The following ZNF438 variants were observed in gnomAD, a reference collection of about 807,000 sequenced individuals.
ZNF438 encodes zinc finger protein 438.
Under a neutral mutation model 38.0 loss-of-function variants are expected in ZNF438, and 25 were observed. The observed-to-expected ratio is 0.66, with a 90% CI of 0.48 to 0.92. ZNF438 has a LOEUF of 0.92. Ranked by LOEUF, ZNF438 falls within the 40% of genes least tolerant of loss-of-function variation. The probability of loss-of-function intolerance (pLI) is 0.00; values close to 1 mark genes in which losing one functional copy is unlikely to be tolerated. For missense variants in ZNF438, 1,007 were observed against 999.6 expected (o/e 1.01, Z -0.10); for synonymous variants, 372 against 364.1 (o/e 1.02, Z -0.25).
At chr10:30,969,456 A>AT (rs1260361254) in intron 1 of ZNF438, among the ~76,000 whole-genome samples, 1 of 152,252 alleles carries the variant, frequency 6.6e-6, no homozygotes, top group East Asian at 1.9e-4. Flanking sequence ...ATGCAGTCTC[A>AT]TGACACTGTA....
chr10:31,014,446 A>C (rs538966725), intron 1 of ZNF438, among the ~76,000 whole-genome samples: 29 of 152,294 alleles, frequency 1.9e-4, no homozygotes, highest in Admixed American at 3.3e-4. Context: ...GTCTCTTCTT[A>C]TAAGCGCACT....
At chr10:30,938,010 AAC>A in intron 2 of ZNF438, among the ~76,000 whole-genome samples, 1 of 152,302 alleles carries the variant, frequency 6.6e-6, no homozygotes, top group African/African-American at 2.4e-5. Flanking sequence ...AGCTTTAAAA[AAC>A]AAACAGGTTT....
chr10:30,926,094 T>C (rs2044879338), intron 2 of ZNF438, among the ~76,000 whole-genome samples: 1 of 152,086 alleles, frequency 6.6e-6, no homozygotes, highest in Non-Finnish European at 1.5e-5. Flanking sequence ...TAATCTTTGG[T>C]GATTGAAGTG....
rs1382538093 is a variant in ZNF438, at chr10:30,886,210, A to G, written c.-31-9145T>C. Among the ~76,000 whole-genome samples the G allele has an allele frequency of 2.0e-5, 3 of 152,374 alleles. No homozygotes were observed. The East Asian group carries it at 5.8e-4, about 29-fold the overall frequency. ...AAAATGTTGTATAAACTCAGACACC[A>G]TATAACTGAAAATGCCACCTTTTTC... is the stretch of plus-strand genomic sequence containing the variant. On this transcript the variant is annotated intron_variant, in intron 3 of 5. Transcript: ENST00000413025.
At chr10:31,018,060 T>C (rs1424039270) in intron 1 of ZNF438, among the ~76,000 whole-genome samples, 1 of 152,224 alleles carries the variant, frequency 6.6e-6, no homozygotes, top group East Asian at 1.9e-4. Flanking sequence ...AATGACTGGT[T>C]GAGGTGGAAA....
At chr10:30,929,408 C>T (rs765303049) in intron 2 of ZNF438, among the ~76,000 whole-genome samples, 4 of 151,932 alleles carry the variant, frequency 2.6e-5, no homozygotes, top group Non-Finnish European at 2.9e-5. Flanking sequence ...GCTCTTAAGG[C>T]GGTGTGTCTG....
chr10:31,010,690 C>T lies in ZNF438; in HGVS notation c.-192+21143G>A, dbSNP rs561890284. 2.0e-5 allele frequency among the ~76,000 whole-genome samples: 3 copies of T among 151,774 alleles called. No individual in the cohort carries two copies. In the South Asian group the frequency reaches 6.3e-4, roughly 32 times the overall value. ...CAGCTTGAGGCCAGGAGTTTTAGAT[C>T]AGCCTGGGCAACAAAGCAAGACCCT... On this transcript the variant is annotated intron_variant, in intron 1 of 5. Coordinates refer to ENST00000413025, the Ensembl canonical transcript of ZNF438.
chr10:30,935,380 G>A (rs185226018), intron 2 of ZNF438, among the ~76,000 whole-genome samples: 38 of 152,306 alleles, frequency 2.5e-4, no homozygotes, highest in Middle Eastern at 6.8e-3. Context: ...GCCTCAGGCT[G>A]TTTCCACTAA....
At chr10:30,908,205 T>A (rs1339600097) in intron 3 of ZNF438, among the ~76,000 whole-genome samples, 1 of 152,210 alleles carries the variant, frequency 6.6e-6, no homozygotes, top group South Asian at 2.1e-4. Flanking sequence ...TGTTACTTAT[T>A]CCTAATTGTA....
chr10:30,933,929 G>A (rs773494371), intron 2 of ZNF438, among the ~76,000 whole-genome samples: 6 of 152,024 alleles, frequency 3.9e-5, no homozygotes, highest in Admixed American at 2.0e-4. Flanking sequence ...GGTGAATCAC[G>A]AGGTCAGGAG....
intron 3 of ZNF438, among the ~76,000 whole-genome samples, chr10:30,878,456 TGA>T (rs2038771721): frequency 2.0e-5 from 3 of 152,126 alleles, no homozygotes. Flanking sequence ...CTCTCTCCAC[TGA>T]GAGACATCCA....
Position 30,986,707 on chromosome 10 carries a change from A to C in ZNF438, c.-191-45056T>G, listed in dbSNP as rs188503612. The stretch of plus-strand genomic sequence containing the variant: ...AGTATCCCTAATCCAAAAATCTGAA[A>C]TCCAAAATGCTCCCATGAGTATTTC... On this transcript the variant is annotated intron_variant, in intron 1 of 5. Coordinates refer to ENST00000413025, the Ensembl canonical transcript of ZNF438. Among the ~76,000 whole-genome samples, 489 of 152,324 alleles carry C rather than the reference A, an allele frequency of 3.2e-3. 5 individuals are homozygous for C. Among genetic ancestry groups the C allele is most frequent in the African/African-American group, 0.011 (442 of 41,562 alleles).
intron 4 of ZNF438, among the ~76,000 whole-genome samples, chr10:30,861,834 T>C (rs776749890): frequency 8.5e-5 from 13 of 152,218 alleles, no homozygotes; most frequent in Non-Finnish European, 1.8e-4. Flanking sequence ...ACGCAAAAGA[T>C]TTTATTCATT....
chr10:30,985,618 G>A (rs2052684414), intron 1 of ZNF438, among the ~76,000 whole-genome samples: 1 of 152,184 alleles, frequency 6.6e-6, no homozygotes, highest in Non-Finnish European at 1.5e-5. Context: ...TGAAACACTT[G>A]ACATTGCTTT....
rs2049611053 is a variant in ZNF438 at position 30,962,543 on chromosome 10, G to C, written c.-191-20892C>G. On this transcript the variant is annotated intron_variant, in intron 1 of 5. Coordinates refer to ENST00000413025, the Ensembl canonical transcript of ZNF438. ...TTCAAATACATTTGGGAAACACTGG[G>C]TTAAATAAAATACCAATATACACTA... 1.4e-5 allele frequency among the ~76,000 whole-genome samples: 2 copies of C among 147,544 alleles called. 1 individual carries two copies. Among genetic ancestry groups the C allele is most frequent in the Non-Finnish European group, 3.1e-5 (2 of 65,072 alleles).
At chr10:30,945,649 G>A (rs1328277183) in intron 1 of ZNF438, among the ~76,000 whole-genome samples, 11 of 138,626 alleles carry the variant, frequency 7.9e-5, no homozygotes, top group African/African-American at 2.2e-4. Context: ...GAGAATATGC[G>A]GTGTTTGGTT....
At chr10:30,999,260 G>T (rs2054400302) in intron 1 of ZNF438, 1 of 152,148 alleles carries the variant, frequency 6.6e-6, no homozygotes, top group African/African-American at 2.4e-5. Context: ...TACCAAAGTA[G>T]AATAACAGTT....
intron 1 of ZNF438, among the ~76,000 whole-genome samples, chr10:30,996,827 A>G (rs2054094750): frequency 6.6e-6 from 1 of 152,282 alleles, no homozygotes; most frequent in East Asian, 1.9e-4. Flanking sequence ...ATTTAAAGAG[A>G]TTAATCACAC....
chr10:31,009,303 T>C (rs2055437131), intron 1 of ZNF438, among the ~76,000 whole-genome samples: 1 of 152,216 alleles, frequency 6.6e-6, no homozygotes, highest in Non-Finnish European at 1.5e-5. Flanking sequence ...ACAGACCTGA[T>C]AACTGGCACT....
Sources: allele counts gnomAD v4.1 joint callset (sites outside exome capture counted in the v4.1 genomes callset), GRCh38; gene constraint gnomAD v4.1.1; transcripts MANE v1.5; gene names NCBI Gene and HGNC (gene_info 2026-07-23, HGNC 2026-07-21).